Variants in SEPTIN7 observed in about 807,000 individuals in gnomAD.
SEPTIN7 encodes septin 7.
In SEPTIN7, 10 loss-of-function variants were observed where a neutral mutation model predicts 63.3. The ratio of observed to expected loss-of-function variants is 0.16; its 90% confidence interval spans 0.10 to 0.27. SEPTIN7 has a LOEUF of 0.27. Among genes scored for constraint, SEPTIN7 ranks in the 10% least tolerant of loss-of-function variants. The probability of loss-of-function intolerance (pLI) is 1.00; values close to 1 mark genes in which losing one functional copy is unlikely to be tolerated. For missense variants in SEPTIN7, 310 were observed against 521.0 expected (o/e 0.59, Z 3.94); for synonymous variants, 131 against 165.3 (o/e 0.79, Z 1.59).
At chr7:35,889,367 G>C (rs1418110097) in intron 10 of SEPTIN7, among the ~76,000 whole-genome samples, 1 of 152,132 alleles carries the variant, frequency 6.6e-6, no homozygotes, top group African/African-American at 2.4e-5. Context: ...GGAAAAACCA[G>C]ACTTAGGACT....
intron 6 of SEPTIN7, among the ~76,000 whole-genome samples, chr7:35,878,237 A>C (rs766891127): frequency 2.0e-4 from 31 of 152,096 alleles, no homozygotes; most frequent in Non-Finnish European, 3.8e-4. Flanking sequence ...ATCATAAGCC[A>C]GTGTCCTAAA....
chr7:35,806,488 C>G (rs1333559465), intron 1 of SEPTIN7, among the ~76,000 whole-genome samples: 1 of 152,026 alleles, frequency 6.6e-6, no homozygotes, highest in Non-Finnish European at 1.5e-5. Flanking sequence ...GGAGAGGGAC[C>G]CAGGAGTCTA....
chr7:35,911,530 A>C (rs1352217061), downstream of SEPTIN7, among the ~76,000 whole-genome samples: 1 of 152,220 alleles, frequency 6.6e-6, no homozygotes, highest in Non-Finnish European at 1.5e-5. Flanking sequence ...AATCATTATT[A>C]ATTGATCCCC....
intron 1 of SEPTIN7, among the ~76,000 whole-genome samples, chr7:35,806,103 G>A (rs139458270): frequency 6.6e-6 from 1 of 152,172 alleles, no homozygotes; most frequent in Non-Finnish European, 1.5e-5. Flanking sequence ...CAAATGTCAC[G>A]TGGGGGAGCA....
chr7:35,913,588 C>CTTCCTTCCTTCCTTCTTTCT, the SEPTIN7 span, among the ~76,000 whole-genome samples: 4 of 139,402 alleles, frequency 2.9e-5, no homozygotes, highest in Admixed American at 7.8e-5. Context: ...TCCTTCTTTC[C>CTTCCTTCCTTCCTTCTTTCT]TTCCTTCCTT....
At chr7:35,879,588 C>G in intron 6 of SEPTIN7, 1 of 321,330 alleles carries the variant, frequency 3.1e-6, no homozygotes, top group East Asian at 5.4e-5. Flanking sequence ...TTTCCAATTC[C>G]TCTTTAGGGC....
chr7:35,892,845 A>T (rs1787730445), intron 11 of SEPTIN7, among the ~76,000 whole-genome samples: 1 of 152,158 alleles, frequency 6.6e-6, no homozygotes, highest in Non-Finnish European at 1.5e-5. Flanking sequence ...TGCAAATAAA[A>T]AAAGAAATGT....
At chr7:35,903,254 T>C in intron 13 of SEPTIN7, 39 bp downstream of exon 13, 8 of 1,490,922 alleles carry the variant, frequency 5.4e-6, no homozygotes, top group Non-Finnish European at 7.1e-6. Flanking sequence ...TGTGTATTAA[T>C]GTTTTAAAGA....
upstream of SEPTIN7, chr7:35,800,991 G>A (rs1388095427): frequency 4.5e-6 from 2 of 447,544 alleles, no homozygotes; most frequent in Admixed American, 4.4e-5. Flanking sequence ...CTCGCGAGAT[G>A]GAAGCCAGCC....
chr7:35,830,614 T>A (rs1783786663), intron 1 of SEPTIN7, among the ~76,000 whole-genome samples: 1 of 152,224 alleles, frequency 6.6e-6, no homozygotes, highest in Non-Finnish European at 1.5e-5. Flanking sequence ...GATGATTTTG[T>A]CATGGAATAA....
chr7:35,818,299 C>G (rs1330562354), intron 1 of SEPTIN7, among the ~76,000 whole-genome samples: 1 of 151,912 alleles, frequency 6.6e-6, no homozygotes, highest in Admixed American at 6.6e-5. Flanking sequence ...TATGTAAAAC[C>G]AACATATTCA....
chr7:35,855,377 T>C (rs1474337447), intron 3 of SEPTIN7, among the ~76,000 whole-genome samples: 1 of 152,220 alleles, frequency 6.6e-6, no homozygotes, highest in Non-Finnish European at 1.5e-5. Context: ...ATATAAATGC[T>C]TCTGTAATGT....
chr7:35,850,804 C>T (rs77796488), intron 3 of SEPTIN7, among the ~76,000 whole-genome samples: 1 of 152,110 alleles, frequency 6.6e-6, no homozygotes, highest in Admixed American at 6.5e-5. Context: ...TACATCTTAT[C>T]TTTGCATTCC....
At chr7:35,892,288 G>T (rs966839274) in intron 11 of SEPTIN7, among the ~76,000 whole-genome samples, 4 of 152,072 alleles carry the variant, frequency 2.6e-5, no homozygotes, top group African/African-American at 9.7e-5. Flanking sequence ...TAAAATACAA[G>T]ATTCTGTTTG....
chr7:35,820,792 T>G (rs1198993734), intron 1 of SEPTIN7, among the ~76,000 whole-genome samples: 1 of 152,224 alleles, frequency 6.6e-6, no homozygotes, highest in African/African-American at 2.4e-5. Flanking sequence ...TCTTGAATAC[T>G]AGACATTTTA....
intron 1 of SEPTIN7, among the ~76,000 whole-genome samples, chr7:35,810,730 A>G (rs758032264): frequency 1.3e-5 from 2 of 151,390 alleles, no homozygotes; most frequent in Non-Finnish European, 2.9e-5. Context: ...TTGTATCCTT[A>G]TATATTGTTA....
chr7:35,831,992 T>A (rs1399400319), intron 2 of SEPTIN7: 1 of 381,762 alleles, frequency 2.6e-6, no homozygotes, highest in Non-Finnish European at 5.1e-6. Flanking sequence ...AGACTCTGCT[T>A]ATTCAAATAG....
intron 3 of SEPTIN7, among the ~76,000 whole-genome samples, chr7:35,833,593 A>G (rs879487251): frequency 6.6e-6 from 1 of 152,010 alleles, no homozygotes; most frequent in Non-Finnish European, 1.5e-5. Context: ...TTAAATGACT[A>G]TACAGTATTT....
intron 5 of SEPTIN7, among the ~76,000 whole-genome samples, chr7:35,873,067 T>G (rs1167117968): frequency 6.6e-6 from 1 of 152,156 alleles, no homozygotes; most frequent in Non-Finnish European, 1.5e-5. Flanking sequence ...TTTAAAACTG[T>G]TCACTTTAAT....
Sources: gnomAD v4.1 joint callset for allele counts (sites outside exome capture counted in the v4.1 genomes callset) on GRCh38, gnomAD v4.1.1 for gene constraint, MANE v1.5 for transcripts, NCBI Gene and HGNC (gene_info 2026-07-23, HGNC 2026-07-21) for gene names.